FAAH2: variants seen among roughly 807,000 people sequenced by gnomAD.
The protein encoded by FAAH2 is fatty-acid amide hydrolase 2.
Under a neutral mutation model 36.9 loss-of-function variants are expected in FAAH2, and 60 were observed. The observed-to-expected ratio is 1.63, with a 90% CI of 1.32 to 2.02. The LOEUF is 2.02. FAAH2 is among the 30% of genes most tolerant of loss of function. The pLI is 0.00. For synonymous variants in FAAH2, 214 were observed against 143.8 expected (o/e 1.49, Z -3.49); for missense variants, 689 against 397.5 (o/e 1.73, Z -6.23).
At chrX:57,348,833 C>T (rs1321941720) in intron 5 of FAAH2, among the ~76,000 whole-genome samples, 3 of 108,561 alleles carry the variant, frequency 2.8e-5, no homozygotes, top group Non-Finnish European at 5.7e-5. Context: ...GATTGTTACA[C>T]CAGATGCAGA....
the FAAH2 span, among the ~76,000 whole-genome samples, chrX:57,223,186 G>A: frequency 2.7e-5 from 3 of 111,834 alleles, no homozygotes; most frequent in African/African-American, 6.5e-5. Context: ...ACAGAAAGTT[G>A]CCATCATTTA....
At chrX:57,202,504 G>C in the FAAH2 span, among the ~76,000 whole-genome samples, 1 of 111,695 alleles carries the variant, frequency 9.0e-6, no homozygotes, top group Non-Finnish European at 1.9e-5. Context: ...TTCTCTCTCT[G>C]TTTTAGCCAC....
At chrX:57,364,183 T>C (rs2054355884) in intron 5 of FAAH2, among the ~76,000 whole-genome samples, 1 of 109,124 alleles carries the variant, frequency 9.2e-6, no homozygotes, top group African/African-American at 3.3e-5. Context: ...ATCCGTTTGG[T>C]GCAGGGCTTT....
intron 7 of FAAH2, among the ~76,000 whole-genome samples, chrX:57,421,007 A>T (rs2056007558): frequency 8.9e-6 from 1 of 112,084 alleles, no homozygotes. Flanking sequence ...GGTTTTGTTT[A>T]TTTTTGTTCA....
At chrX:57,435,218 A>G (rs1263265933) in intron 8 of FAAH2, among the ~76,000 whole-genome samples, 4 of 111,743 alleles carry the variant, frequency 3.6e-5, no homozygotes, top group African/African-American at 1.3e-4. Context: ...TCACATAAAG[A>G]AGGAAGAAAA....
intron 10 of FAAH2, among the ~76,000 whole-genome samples, chrX:57,488,459 G>T (rs184314135): frequency 1.8e-5 from 2 of 111,179 alleles, no homozygotes; most frequent in East Asian, 2.8e-4. Flanking sequence ...CACACTTTCT[G>T]CATTCAGATT....
chrX:57,308,836 G>C, intron 2 of FAAH2, among the ~76,000 whole-genome samples: 1 of 111,367 alleles, frequency 9.0e-6, no homozygotes, highest in East Asian at 2.8e-4. Flanking sequence ...ATGTTAGATA[G>C]ATATTATTGT....
chrX:57,217,400 T>A, the FAAH2 span, among the ~76,000 whole-genome samples: 7 of 111,317 alleles, frequency 6.3e-5, no homozygotes, highest in Non-Finnish European at 1.3e-4. Context: ...TCTTCTAGAG[T>A]TTTTATAGTT....
At chrX:57,263,135 C>A in the FAAH2 span, among the ~76,000 whole-genome samples, 5 of 111,325 alleles carry the variant, frequency 4.5e-5, no homozygotes, top group African/African-American at 1.6e-4. Flanking sequence ...AAATAAAATT[C>A]TGATCAGAAA....
intron 10 of FAAH2, among the ~76,000 whole-genome samples, chrX:57,451,887 C>A (rs1033743940): frequency 1.8e-5 from 2 of 112,723 alleles, no homozygotes; most frequent in South Asian, 7.3e-4. Context: ...ATAATCTAGC[C>A]TGCAGATTCT....
At chrX:57,199,181 G>A in the FAAH2 span, among the ~76,000 whole-genome samples, 5 of 110,777 alleles carry the variant, frequency 4.5e-5, no homozygotes, top group East Asian at 1.1e-3. Context: ...TCTTTACAAT[G>A]CATCATTAGG....
rs1194210482 is a variant in FAAH2, at chrX:57,360,879, A to G, written c.743-17772A>G. Reference sequence around the variant, plus strand: ...GTGTGTTGTTCCCCTCCCTGTGTCCATGTGTTCTTATTGTTCAACTGCCAC... The same window carrying G: ...GTGTGTTGTTCCCCTCCCTGTGTCCGTGTGTTCTTATTGTTCAACTGCCAC... On this transcript the variant is annotated intron_variant, in intron 5 of 10. Transcript: ENST00000374900. Among the ~76,000 whole-genome samples the G allele has an allele frequency of 2.7e-5, 3 of 109,807 alleles. No individual in the cohort carries two copies. In the East Asian group the frequency reaches 8.6e-4, roughly 31 times the overall value.
chrX:57,395,065 A>G (rs1045198598), intron 7 of FAAH2: 112 of 550,609 alleles, frequency 2.0e-4, no homozygotes, highest in African/African-American at 9.5e-4. Context: ...TTTCAGGTGC[A>G]ATAGCATTGA....
chrX:57,191,377 T>C, the FAAH2 span, among the ~76,000 whole-genome samples: 1 of 111,946 alleles, frequency 8.9e-6, no homozygotes, highest in African/African-American at 3.2e-5. Context: ...TCCTTATATA[T>C]TGTGATTATT....
intron 7 of FAAH2, among the ~76,000 whole-genome samples, chrX:57,387,505 C>T (rs1469280870): frequency 3.6e-5 from 4 of 111,002 alleles, no homozygotes; most frequent in Non-Finnish European, 7.6e-5. Context: ...ACAGAAAATC[C>T]TACAAAATGC....
the FAAH2 span, among the ~76,000 whole-genome samples, chrX:57,196,042 C>T: frequency 1.8e-5 from 2 of 111,841 alleles, no homozygotes; most frequent in Admixed American, 1.9e-4. Context: ...GTGATGCTTG[C>T]AGATTTGTTG....
chrX:57,186,363 G>T, the FAAH2 span, among the ~76,000 whole-genome samples: 1,280 of 112,140 alleles, frequency 0.011, 15 homozygotes, highest in African/African-American at 0.04. Context: ...CCACATAAAT[G>T]TCTTCTTTTG....
At position 57,378,742 on chromosome X, in the gene FAAH2, C is replaced by A. The variant is rs764709841; in HGVS notation, c.834C>A (p.Asp278Glu). 2.5e-6 allele frequency: 3 copies of A among 1,210,586 alleles called. No homozygotes were observed. The highest frequency in any genetic ancestry group is 4.4e-5 in the Admixed American group (2 of 45,842). Reference sequence around the variant, plus strand: ...GTCCTATGTGCCGTTATGCTGAAGACCTGGCCCCCATGTTGAAGGTCATGG... The same window carrying A: ...GTCCTATGTGCCGTTATGCTGAAGAACTGGCCCCCATGTTGAAGGTCATGG... ...CTGPMCRYAE[D>E]LAPMLKVMAG... is the part of the protein sequence containing the mutation. Residue 278 changes from aspartate (D) to glutamate (E), a missense_variant, in exon 6 of 11, where the codon GAC becomes GAA. By Grantham distance (45) the Asp-to-Glu change is conservative (BLOSUM62 2). Coordinates refer to ENST00000374900, the MANE Select transcript of FAAH2 (RefSeq NM_174912.4).
intron 2 of FAAH2, among the ~76,000 whole-genome samples, chrX:57,310,117 C>G (rs1174034823): frequency 8.9e-6 from 1 of 111,850 alleles, no homozygotes; most frequent in Non-Finnish European, 1.9e-5. Flanking sequence ...TAACAATTGC[C>G]ATTCTGACTG....
Sources: allele counts gnomAD v4.1 joint callset (sites outside exome capture counted in the v4.1 genomes callset), GRCh38; gene constraint gnomAD v4.1.1; transcripts MANE v1.5; gene names NCBI Gene and HGNC (gene_info 2026-07-23, HGNC 2026-07-21).